The following MYO1H variants were observed in gnomAD, a reference collection of about 807,000 sequenced individuals.
The protein encoded by MYO1H is myosin IH.
In MYO1H, 118 loss-of-function variants were observed where a neutral mutation model predicts 149.3. The ratio of observed to expected loss-of-function variants is 0.79; its 90% confidence interval spans 0.68 to 0.92. The LOEUF is 0.92. Ranked by LOEUF, MYO1H falls within the 40% of genes least tolerant of loss-of-function variation. MYO1H has a pLI of 0.00. For synonymous variants in MYO1H, 447 were observed against 465.2 expected (o/e 0.96, Z 0.50); for missense variants, 1,212 against 1,280.7 (o/e 0.95, Z 0.82).
intron 22 of MYO1H, among the ~76,000 whole-genome samples, chr12:109,437,192 T>C (rs896446796): frequency 1.3e-5 from 2 of 152,208 alleles, no homozygotes; most frequent in African/African-American, 4.8e-5. Context: ...TCCCCAGTCA[T>C]GTTCTCAAAC....
chr12:109,439,498 T>TGGCCTGTGGCCTAAATTCCA, intron 23 of MYO1H, 133 bp from the exon 24 acceptor site: 1 of 676,080 alleles, frequency 1.5e-6, no homozygotes, highest in Non-Finnish European at 2.4e-6. Flanking sequence ...GGGGCAGATT[T>TGGCCTGTGGCCTAAATTCCA]GGCCTCTGGC....
At chr12:109,434,925 A>T in intron 20 of MYO1H, 112 bp from the exon 21 acceptor site, 1 of 635,656 alleles carries the variant, frequency 1.6e-6, no homozygotes, top group Non-Finnish European at 2.8e-6. Flanking sequence ...TTTCCAAATA[A>T]GATGGTATTC....
chr12:109,363,274 G>C (rs1162877880), intron 1 of MYO1H, among the ~76,000 whole-genome samples: 1 of 152,216 alleles, frequency 6.6e-6, no homozygotes, highest in Non-Finnish European at 1.5e-5. Context: ...TGACCAAGGA[G>C]AGTATTCCCT....
intron 15 of MYO1H, among the ~76,000 whole-genome samples, chr12:109,420,575 C>T (rs1458393756): frequency 6.6e-6 from 1 of 152,142 alleles, no homozygotes; most frequent in Non-Finnish European, 1.5e-5. Context: ...CTCCTGAGAA[C>T]TATCATGAGA....
intron 19 of MYO1H, among the ~76,000 whole-genome samples, chr12:109,428,531 G>T (rs1032227234): frequency 6.6e-6 from 1 of 152,140 alleles, no homozygotes; most frequent in Non-Finnish European, 1.5e-5. Flanking sequence ...TCAATGATGG[G>T]CTGTGTGTGA....
chr12:109,343,325 C>A (rs1361794084), upstream of MYO1H, among the ~76,000 whole-genome samples: 1 of 152,132 alleles, frequency 6.6e-6, no homozygotes, highest in Non-Finnish European at 1.5e-5. Flanking sequence ...GTGTAGAATG[C>A]AATTTAAGGG....
At chr12:109,408,567 TCA>T (rs1870498978) in intron 10 of MYO1H, among the ~76,000 whole-genome samples, 1 of 152,186 alleles carries the variant, frequency 6.6e-6, no homozygotes, top group African/African-American at 2.4e-5. Context: ...CCCTTGAAAC[TCA>T]CGCTTCAGTC....
chr12:109,413,866 C>A (rs6606713), intron 14 of MYO1H, among the ~76,000 whole-genome samples: 15,433 of 151,968 alleles, frequency 0.1, 1,310 homozygotes, highest in African/African-American at 0.23. Context: ...GCCGAGATTG[C>A]GCCACTGCAC....
At chr12:109,442,751 A>AGC (rs1872195895) in intron 27 of MYO1H, among the ~76,000 whole-genome samples, 1 of 148,782 alleles carries the variant, frequency 6.7e-6, no homozygotes. Flanking sequence ...CCTGGCACGC[A>AGC]GCAGCAGGTG....
At chr12:109,382,187 ATATGCTGCC>A (rs1420544514) in intron 1 of MYO1H, among the ~76,000 whole-genome samples, 5 of 152,216 alleles carry the variant, frequency 3.3e-5, no homozygotes, top group Admixed American at 2.0e-4. Context: ...TGGAAGTATA[ATATGCTGCC>A]TATGAAGTCT....
chr12:109,428,863 A>G (rs1423251915), intron 19 of MYO1H, among the ~76,000 whole-genome samples: 1 of 151,830 alleles, frequency 6.6e-6, no homozygotes, highest in African/African-American at 2.4e-5. Context: ...AACTTCATAC[A>G]TCTCTTGTCT....
intron 15 of MYO1H, among the ~76,000 whole-genome samples, chr12:109,420,044 GTT>G (rs1380710297): frequency 6.6e-6 from 1 of 152,192 alleles, no homozygotes; most frequent in Non-Finnish European, 1.5e-5. Context: ...TGGTGCTTGA[GTT>G]TGTTTTTTCT....
intron 21 of MYO1H, among the ~76,000 whole-genome samples, chr12:109,436,256 G>A (rs1455406705): frequency 3.9e-5 from 6 of 152,080 alleles, no homozygotes; most frequent in Admixed American, 2.0e-4. Flanking sequence ...CCTTGCCCTG[G>A]GAAAAGGAAA....
At chr12:109,443,056 GTACGTA>G (rs1566044752) in intron 27 of MYO1H, among the ~76,000 whole-genome samples, 4 of 43,124 alleles carry the variant, frequency 9.3e-5, no homozygotes, top group Non-Finnish European at 1.5e-4. Flanking sequence ...GTATATATGT[GTACGTA>G]TGTGTGTATA....
chr12:109,363,446 G>C (rs1868796156), intron 1 of MYO1H, among the ~76,000 whole-genome samples: 1 of 152,208 alleles, frequency 6.6e-6, no homozygotes, highest in African/African-American at 2.4e-5. Flanking sequence ...GGGCGCGGTG[G>C]CTCACGCCTG....
intron 1 of MYO1H, among the ~76,000 whole-genome samples, chr12:109,348,568 G>A (rs554141185): frequency 1.3e-5 from 2 of 152,240 alleles, no homozygotes; most frequent in Admixed American, 6.5e-5. Flanking sequence ...ACTTGTCCCA[G>A]GTAATGATCA....
Position 109,447,149 on chromosome 12 carries a change from T to A in MYO1H, c.3094-10T>A. The A allele has an allele frequency of 6.3e-7, 1 of 1,596,896 alleles. No individual in the cohort carries two copies. Among genetic ancestry groups the A allele is most frequent in the Non-Finnish European group, 8.5e-7 (1 of 1,170,966 alleles). On this transcript the variant is annotated splice_polypyrimidine_tract_variant and intron_variant, in intron 31 of 31. Coordinates refer to ENST00000310903, the Ensembl canonical transcript of MYO1H. ...GAAGGGCTGTAAACCGAAGTGTGAC[T>A]CTCTCCCAGGTGTCAGTCCGGAGGA...
chr12:109,355,274 G>A (rs193213397), intron 1 of MYO1H, among the ~76,000 whole-genome samples: 2 of 152,098 alleles, frequency 1.3e-5, no homozygotes, highest in Admixed American at 6.5e-5. Context: ...TTCTCCTTAC[G>A]TGCAATCTTC....
chr12:109,346,370 A>T (rs186506081), upstream of MYO1H, among the ~76,000 whole-genome samples: 147 of 152,350 alleles, frequency 9.6e-4, 2 homozygotes, highest in African/African-American at 3.4e-3. Context: ...CTGAGGTACA[A>T]CTGTACTTAA....
Sources: gnomAD v4.1 joint callset for allele counts (sites outside exome capture counted in the v4.1 genomes callset) on GRCh38, gnomAD v4.1.1 for gene constraint, MANE v1.5 for transcripts, NCBI Gene and HGNC (gene_info 2026-07-23, HGNC 2026-07-21) for gene names.